TYW3: variants seen among roughly 807,000 people sequenced by gnomAD.
TYW3 encodes tRNA-yW synthesizing protein 3 homolog.
Under a neutral mutation model 23.1 loss-of-function variants are expected in TYW3, and 26 were observed. The ratio of observed to expected loss-of-function variants is 1.13; its 90% CI spans 0.83 to 1.56. The LOEUF is 1.56. Ranked by LOEUF, TYW3 falls within the 40% of genes most tolerant of loss-of-function variation. The probability of loss-of-function intolerance (pLI) is 0.00; values close to 1 mark genes in which losing one functional copy is unlikely to be tolerated. For synonymous variants in TYW3, 102 were observed against 105.7 expected (o/e 0.97, Z 0.21); for missense variants, 316 against 311.9 (o/e 1.01, Z -0.10).
chr1:74,753,914 C>A (rs1331791900), intron 5 of TYW3, among the ~76,000 whole-genome samples: 2 of 152,140 alleles, frequency 1.3e-5, no homozygotes, highest in East Asian at 1.9e-4. Context: ...TCATTACTTA[C>A]AATGGATGTC....
At chr1:74,736,154 T>A (rs1648145856) in intron 1 of TYW3, 1 of 153,404 alleles carries the variant, frequency 6.5e-6, no homozygotes, top group South Asian at 2.0e-4. Context: ...TGTGTGGAAT[T>A]GGGACAGTGC....
chr1:74,750,033 G>A (rs1648722661), intron 4 of TYW3: 1 of 152,226 alleles, frequency 6.6e-6, no homozygotes, highest in Non-Finnish European at 1.5e-5. Context: ...TGGTATCCCA[G>A]ATGAAAGCAG....
At chr1:74,748,140 G>A (rs1648652461) in intron 3 of TYW3, among the ~76,000 whole-genome samples, 1 of 64,266 alleles carries the variant, frequency 1.6e-5, no homozygotes, top group Non-Finnish European at 3.3e-5. Flanking sequence ...CCCTTGAGTT[G>A]TGACAACCAA....
intron 5 of TYW3, among the ~76,000 whole-genome samples, chr1:74,754,209 T>C (rs1352067937): frequency 2.0e-5 from 3 of 152,154 alleles, no homozygotes; most frequent in Non-Finnish European, 4.4e-5. Context: ...AACAAGCTTA[T>C]AAATAGAGCC....
At chr1:74,761,443 G>A (rs896809258) in intron 5 of TYW3, among the ~76,000 whole-genome samples, 10 of 151,536 alleles carry the variant, frequency 6.6e-5, no homozygotes, top group African/African-American at 2.2e-4. Context: ...GATCATAAAG[G>A]AGCAATTTAA....
At chr1:74,760,527 G>A (rs1211088749) in intron 5 of TYW3, among the ~76,000 whole-genome samples, 12 of 152,062 alleles carry the variant, frequency 7.9e-5, no homozygotes, top group South Asian at 2.1e-4. Context: ...TTCAGCCCAG[G>A]CATTGGATCT....
intron 2 of TYW3, among the ~76,000 whole-genome samples, 160 bp from the exon 3 acceptor site, chr1:74,738,530 G>T (rs1002853480): frequency 6.6e-5 from 10 of 152,142 alleles, no homozygotes; most frequent in African/African-American, 9.7e-5. Flanking sequence ...TAAATTTTTG[G>T]TGAAAAAGGA....
At chr1:74,747,615 C>T (rs1382616212) in intron 3 of TYW3, among the ~76,000 whole-genome samples, 41 of 136,858 alleles carry the variant, frequency 3.0e-4, no homozygotes, top group African/African-American at 6.9e-4. Context: ...CCAGCCTGGG[C>T]GACAGAGCGA....
chr1:74,753,604 C>T (rs1648861583), intron 5 of TYW3, among the ~76,000 whole-genome samples: 1 of 152,148 alleles, frequency 6.6e-6, no homozygotes, highest in Admixed American at 6.5e-5. Flanking sequence ...TTTCTTATCT[C>T]TAACTTCTGG....
chr1:74,758,250 T>G (rs986953917), intron 5 of TYW3, among the ~76,000 whole-genome samples: 2 of 149,278 alleles, frequency 1.3e-5, no homozygotes, highest in Admixed American at 1.3e-4. Flanking sequence ...TACTTTTCCA[T>G]GTACTGGCAG....
At chr1:74,755,858 G>T (rs527380910) in intron 5 of TYW3, among the ~76,000 whole-genome samples, 1 of 152,336 alleles carries the variant, frequency 6.6e-6, no homozygotes, top group Admixed American at 6.5e-5. Flanking sequence ...GTTTGGCTTT[G>T]TCCTCACCCA....
rs1046240364 is a variant in TYW3 at position 74,764,723 on chromosome 1, G to A, written c.*610G>A. Reference sequence around the variant, plus strand: ...AAGATTTGGGAATAATTGATTACAGGTGAGGAAGTACTGGAATTCCAGTTC... The same window carrying A: ...AAGATTTGGGAATAATTGATTACAGATGAGGAAGTACTGGAATTCCAGTTC... On this transcript the variant is annotated 3_prime_UTR_variant, in exon 6 of 6. Transcript: ENST00000370867. 2 of 152,112 alleles carry A rather than the reference G, an allele frequency of 1.3e-5. No homozygotes were observed. Among genetic ancestry groups the A allele is most frequent in the Admixed American group, 6.6e-5 (1 of 15,260 alleles). The allele number at this position is 152,112 out of a possible 1,614,324, so 9.4% of individuals were successfully genotyped here. A position where few individuals can be genotyped will look rare whatever the true frequency, so the allele number is the denominator to read the frequency against.
intron 5 of TYW3, among the ~76,000 whole-genome samples, chr1:74,752,856 T>A (rs946223993): frequency 3.3e-5 from 5 of 152,204 alleles, no homozygotes; most frequent in African/African-American, 1.2e-4. Context: ...TTTTTTTGTC[T>A]GATAAATATT....
chr1:74,754,031 C>T (rs1648873006), intron 5 of TYW3, among the ~76,000 whole-genome samples: 1 of 152,150 alleles, frequency 6.6e-6, no homozygotes, highest in Non-Finnish European at 1.5e-5. Flanking sequence ...TAAAGTAATA[C>T]TTTTAAATAA....
chr1:74,763,139 CAGCTATTAGA>C (rs200423635), intron 5 of TYW3, among the ~76,000 whole-genome samples: 2,936 of 152,188 alleles, frequency 0.019, 35 homozygotes, highest in Middle Eastern at 0.034. Context: ...CTCTCAAGTG[CAGCTATTAGA>C]AGCGTATTTC....
intron 3 of TYW3, among the ~76,000 whole-genome samples, chr1:74,741,453 A>T (rs1267716793): frequency 6.6e-6 from 1 of 152,072 alleles, no homozygotes; most frequent in Non-Finnish European, 1.5e-5. Context: ...TGAATCCAAG[A>T]TTCCACTCCT....
chr1:74,743,968 C>T (rs1181085191), intron 3 of TYW3, among the ~76,000 whole-genome samples: 1 of 152,118 alleles, frequency 6.6e-6, no homozygotes. Context: ...TGCTTTAAAT[C>T]AGAGAGGGAG....
intron 3 of TYW3, among the ~76,000 whole-genome samples, chr1:74,742,324 G>A (rs1393386712): frequency 6.6e-6 from 1 of 152,182 alleles, no homozygotes; most frequent in Non-Finnish European, 1.5e-5. Context: ...TTTGATGCGT[G>A]TTTTCAATAC....
At chr1:74,755,258 T>C (rs1464332077) in intron 5 of TYW3, among the ~76,000 whole-genome samples, 1 of 152,226 alleles carries the variant, frequency 6.6e-6, no homozygotes, top group South Asian at 2.1e-4. Context: ...CACATTGTTA[T>C]GCAACTGTCG....
Sources: allele counts gnomAD v4.1 joint callset (sites outside exome capture counted in the v4.1 genomes callset), GRCh38; gene constraint gnomAD v4.1.1; transcripts MANE v1.5; gene names NCBI Gene and HGNC (gene_info 2026-07-23, HGNC 2026-07-21).